The following WWP1 variants were observed in gnomAD, a reference collection of about 807,000 sequenced individuals.
WWP1 encodes WW domain containing E3 ubiquitin protein ligase 1, also known as NEDD4-like E3 ubiquitin-protein ligase WWP1.
Under a neutral mutation model 130.6 loss-of-function variants are expected in WWP1, and 49 were observed. That is an observed-to-expected ratio of 0.38 (90% confidence interval 0.30 to 0.48). WWP1 has a LOEUF of 0.48. WWP1 is among the 20% of genes least tolerant of loss of function. The probability of loss-of-function intolerance (pLI) is 0.99; values close to 1 mark genes in which losing one functional copy is unlikely to be tolerated. For missense variants in WWP1, 809 were observed against 1,100.6 expected (o/e 0.74, Z 3.75); for synonymous variants, 332 against 367.8 (o/e 0.90, Z 1.11).
intron 2 of WWP1, among the ~76,000 whole-genome samples, chr8:86,370,757 A>G (rs923781747): frequency 1.3e-5 from 2 of 151,780 alleles, no homozygotes; most frequent in Non-Finnish European, 2.9e-5. Context: ...ACTGAGAAGA[A>G]GGTGTTAATG....
At chr8:86,410,019 A>G (rs568157587) in intron 8 of WWP1, among the ~76,000 whole-genome samples, 3 of 152,292 alleles carry the variant, frequency 2.0e-5, no homozygotes, top group South Asian at 2.1e-4. Context: ...GAAAATAATC[A>G]TATGACGTTT....
chr8:86,437,261 T>G (rs988664595), intron 16 of WWP1, among the ~76,000 whole-genome samples: 1 of 152,250 alleles, frequency 6.6e-6, no homozygotes, highest in South Asian at 2.1e-4. Flanking sequence ...GTAACCTTGA[T>G]GTAAGCTATT....
chr8:86,445,497 A>G (rs905503623), intron 18 of WWP1, among the ~76,000 whole-genome samples: 2 of 152,182 alleles, frequency 1.3e-5, no homozygotes, highest in African/African-American at 4.8e-5. Flanking sequence ...TGTTGTTGCA[A>G]AGGATATGAT....
At chr8:86,402,946 T>G (rs1172606675) in intron 8 of WWP1, among the ~76,000 whole-genome samples, 1 of 152,226 alleles carries the variant, frequency 6.6e-6, no homozygotes, top group Non-Finnish European at 1.5e-5. Flanking sequence ...GCGAGTTGAA[T>G]AGCTCTCAGA....
intron 1 of WWP1, among the ~76,000 whole-genome samples, chr8:86,349,442 T>G (rs1042272997): frequency 2.0e-5 from 3 of 152,170 alleles, no homozygotes; most frequent in African/African-American, 7.2e-5. Context: ...GTGAATCCAT[T>G]TGGGGCCACC....
intron 11 of WWP1, among the ~76,000 whole-genome samples, chr8:86,429,460 T>C (rs1225641104): frequency 6.6e-6 from 1 of 152,176 alleles, no homozygotes; most frequent in Admixed American, 6.5e-5. Context: ...CTTTAAGAAA[T>C]TATTTTTCAG....
Position 86,342,729 on chromosome 8 carries a change from T to C in WWP1, c.-316T>C, listed in dbSNP as rs940946772. On this transcript the variant is annotated 5_prime_UTR_variant, in exon 1 of 25. Transcript: ENST00000517970. Reference sequence around the variant, plus strand: ...GGACGGGGTGGGGGTGGGGGGAGGGTCGGGTGTCGGCGAGCTCCGCGTGCG... The same window carrying C: ...GGACGGGGTGGGGGTGGGGGGAGGGCCGGGTGTCGGCGAGCTCCGCGTGCG... 2 of 238,870 alleles carry C rather than the reference T, an allele frequency of 8.4e-6. No individual in the cohort carries two copies. Among genetic ancestry groups the C allele is most frequent in the Admixed American group, 7.2e-5 (1 of 13,892 alleles). The allele number at this position is 238,870 out of a possible 1,614,324, so 14.8% of individuals were successfully genotyped here.
At chr8:86,453,269 A>G (rs1185524505) in intron 21 of WWP1, among the ~76,000 whole-genome samples, 2 of 152,114 alleles carry the variant, frequency 1.3e-5, no homozygotes, top group African/African-American at 2.4e-5. Flanking sequence ...GATACCTCCT[A>G]TGAGTGAAAT....
chr8:86,349,208 GGGGTTTCACCAT>G (rs1175024444), intron 1 of WWP1, among the ~76,000 whole-genome samples: 3 of 152,050 alleles, frequency 2.0e-5, no homozygotes, highest in Non-Finnish European at 4.4e-5. Context: ...TAGTAGAGAT[GGGGTTTCACCAT>G]GTTGGACAGG....
chr8:86,461,995 T>C, intron 24 of WWP1, 149 bp downstream of exon 24: 1 of 645,222 alleles, frequency 1.5e-6, no homozygotes. Flanking sequence ...CAGCATTCTA[T>C]AACTGAACAC....
chr8:86,461,159 C>CGA (rs1227535704), intron 22 of WWP1, 65 bp from the exon 23 acceptor site: 5 of 1,376,606 alleles, frequency 3.6e-6, no homozygotes, highest in Non-Finnish European at 5.1e-6. Flanking sequence ...CTTCAAGTGT[C>CGA]TACTACTTTC....
chr8:86,359,831 C>T (rs777849699), intron 1 of WWP1, among the ~76,000 whole-genome samples: 1 of 152,066 alleles, frequency 6.6e-6, no homozygotes, highest in South Asian at 2.1e-4. Context: ...GGGCGGATCA[C>T]GAGGTCAGGA....
chr8:86,424,023 G>C (rs1219223279), intron 9 of WWP1, among the ~76,000 whole-genome samples: 1 of 145,276 alleles, frequency 6.9e-6, no homozygotes, highest in Admixed American at 6.7e-5. Context: ...CAGCTGCCGG[G>C]CGGAGACGCT....
At chr8:86,346,412 G>C (rs1307609895) in intron 1 of WWP1, among the ~76,000 whole-genome samples, 1 of 152,034 alleles carries the variant, frequency 6.6e-6, no homozygotes, top group Non-Finnish European at 1.5e-5. Flanking sequence ...AACAGAGCGA[G>C]ACTCTGTCTC....
intron 3 of WWP1, among the ~76,000 whole-genome samples, chr8:86,376,585 A>G (rs1212459735): frequency 4.6e-5 from 7 of 152,124 alleles, no homozygotes; most frequent in Non-Finnish European, 1.0e-4. Context: ...AAAAGAAAGA[A>G]AAAGAAAAGA....
In WWP1 at chr8:86,431,734, A is replaced by G; in HGVS notation, c.1592A>G (p.Lys531Arg). The G allele has an allele frequency of 6.2e-7, 1 of 1,613,936 alleles. No homozygotes were observed. The highest frequency in any genetic ancestry group is 8.5e-7 in the Non-Finnish European group (1 of 1,179,908). Residue 531 changes from lysine to arginine, a missense_variant, in exon 14 of 25, where the codon AAG becomes AGG. Around this residue, in one of 3 missense-constraint regions of WWP1, gnomAD observed 450 missense variants for 674.2 expected, o/e 0.67. Transcript: ENST00000517970. ...ACATTCAAAGATCCTCGCAATGGGA[A>G]GTCATCTGTGTGAGTGAAAACCTGA... ...TTTFKDPRNGKSSVTKGGPQI... is the reference protein window; with the variant it reads ...TTTFKDPRNGRSSVTKGGPQI...
At chr8:86,438,930 T>C (rs1407380697) in intron 17 of WWP1, among the ~76,000 whole-genome samples, 1 of 152,194 alleles carries the variant, frequency 6.6e-6, no homozygotes, top group Non-Finnish European at 1.5e-5. Flanking sequence ...CAGTTAATCA[T>C]ACAATGTACA....
At chr8:86,425,915 G>A (rs1809597919) in intron 10 of WWP1, among the ~76,000 whole-genome samples, 2 of 152,050 alleles carry the variant, frequency 1.3e-5, no homozygotes, top group African/African-American at 4.8e-5. Flanking sequence ...ATAGCTAGTC[G>A]AATTGTACTG....
At chr8:86,414,443 A>G (rs1447499057) in intron 9 of WWP1, among the ~76,000 whole-genome samples, 2 of 152,202 alleles carry the variant, frequency 1.3e-5, no homozygotes, top group South Asian at 2.1e-4. Context: ...ATGGGTCTTG[A>G]TAAGTTGTGG....
Sources: allele counts gnomAD v4.1 joint callset (sites outside exome capture counted in the v4.1 genomes callset), GRCh38; gene constraint gnomAD v4.1.1; regional missense constraint gnomAD v4.1.1; transcripts MANE v1.5; gene names NCBI Gene and HGNC (gene_info 2026-07-23, HGNC 2026-07-21).